COG5: variants seen among roughly 807,000 people sequenced by gnomAD.
COG5 encodes conserved oligomeric Golgi complex subunit 5.
COG5 carries 86 observed loss-of-function variants against 110.4 expected under a neutral mutation model. The ratio of observed to expected loss-of-function variants is 0.78; its 90% CI spans 0.65 to 0.93. The LOEUF is 0.93. COG5 is among the 40% of genes least tolerant of loss of function. The probability of loss-of-function intolerance (pLI) is 0.00; values close to 1 mark genes in which losing one functional copy is unlikely to be tolerated. For missense variants in COG5, 1,077 were observed against 987.0 expected, an observed-to-expected ratio of 1.09 and a Z score of -1.22; for synonymous variants, 360 against 334.6, an observed-to-expected ratio of 1.08 and a Z score of -0.83.
At chr7:107,435,575 C>T (rs559517374) in intron 6 of COG5, among the ~76,000 whole-genome samples, 1 of 152,184 alleles carries the variant, frequency 6.6e-6, no homozygotes, top group Admixed American at 6.5e-5. Flanking sequence ...ATTGCTTGAA[C>T]CCAGGAGGCA....
chr7:107,320,940 C>G (rs1423073087), intron 11 of COG5, among the ~76,000 whole-genome samples: 1 of 152,204 alleles, frequency 6.6e-6, no homozygotes, highest in Non-Finnish European at 1.5e-5. Context: ...AGGACTTCTT[C>G]TACACCCCCA....
At chr7:107,242,113 C>T (rs1325099117) in intron 17 of COG5, among the ~76,000 whole-genome samples, 1 of 152,106 alleles carries the variant, frequency 6.6e-6, no homozygotes, top group African/African-American at 2.4e-5. Flanking sequence ...CCCACATTTC[C>T]CATGTGGGAG....
chr7:107,480,157 G>A (rs1362444345), intron 6 of COG5, among the ~76,000 whole-genome samples: 1 of 152,046 alleles, frequency 6.6e-6, no homozygotes, highest in African/African-American at 2.4e-5. Context: ...TCAAAATCAT[G>A]TTAGAAAATT....
chr7:107,319,442 A>C (rs953610003), intron 11 of COG5, among the ~76,000 whole-genome samples: 2 of 152,200 alleles, frequency 1.3e-5, no homozygotes, highest in Non-Finnish European at 2.9e-5. Context: ...AATCAGTAAG[A>C]ATGGCAGACT....
chr7:107,437,074 G>C (rs1584821745), intron 6 of COG5, among the ~76,000 whole-genome samples: 2 of 152,108 alleles, frequency 1.3e-5, no homozygotes, highest in South Asian at 4.1e-4. Flanking sequence ...TGCAAACCTA[G>C]ACAAGGAATT....
intron 6 of COG5, among the ~76,000 whole-genome samples, chr7:107,496,705 A>G (rs943569996): frequency 5.3e-5 from 8 of 151,748 alleles, no homozygotes; most frequent in Non-Finnish European, 1.2e-4. Context: ...AATATAATAT[A>G]CCACATTAAT....
At chr7:107,296,874 T>G (rs1370794929) in intron 12 of COG5, among the ~76,000 whole-genome samples, 3 of 152,316 alleles carry the variant, frequency 2.0e-5, no homozygotes, top group East Asian at 3.9e-4. Context: ...AGATAGGTGA[T>G]AAGAAACTGC....
chr7:107,412,423 C>T, intron 7 of COG5, 79 bp downstream of exon 7: 3 of 1,398,830 alleles, frequency 2.1e-6, no homozygotes, highest in South Asian at 1.2e-5. Context: ...ACATATATTA[C>T]TTTTTTGAAC....
At chr7:107,341,873 AC>A (rs1167814967) in intron 10 of COG5, among the ~76,000 whole-genome samples, 1 of 152,244 alleles carries the variant, frequency 6.6e-6, no homozygotes, top group Admixed American at 6.5e-5. Flanking sequence ...TATATGCAAA[AC>A]TTAACTAAGG....
chr7:107,345,345 T>C (rs1005116158), intron 10 of COG5, among the ~76,000 whole-genome samples: 6 of 152,106 alleles, frequency 3.9e-5, no homozygotes, highest in Non-Finnish European at 2.9e-5. Context: ...TGTTGGAAAA[T>C]GGCACCAATA....
chr7:107,349,289 T>C (rs1811916087), intron 10 of COG5, among the ~76,000 whole-genome samples: 3 of 152,214 alleles, frequency 2.0e-5, no homozygotes, highest in Non-Finnish European at 4.4e-5. Flanking sequence ...TGGAATCCTT[T>C]TATTTTTCTT....
At chr7:107,489,217 A>C (rs1166834018) in intron 6 of COG5, among the ~76,000 whole-genome samples, 1 of 152,228 alleles carries the variant, frequency 6.6e-6, no homozygotes, top group Non-Finnish European at 1.5e-5. Context: ...AAATACATTT[A>C]AGTAAACAGA....
At chr7:107,561,923 C>G (rs1445092803) in intron 1 of COG5, among the ~76,000 whole-genome samples, 1 of 152,042 alleles carries the variant, frequency 6.6e-6, no homozygotes, top group Admixed American at 6.5e-5. Flanking sequence ...TTGCAGTGAG[C>G]CGAGACTGCG....
Position 107,298,364 on chromosome 7 carries a change from A to T in COG5, c.1109-18T>A. ...CATCGAAGCTGCCAAGCAAAACAAGAACATGAATTAGAAAAATAATAAAAT... is the reference window on the plus strand; with the variant it reads ...CATCGAAGCTGCCAAGCAAAACAAGTACATGAATTAGAAAAATAATAAAAT... On this transcript the variant is annotated intron_variant, in intron 11 of 21. Coordinates refer to ENST00000297135, the MANE Select transcript of COG5 (RefSeq NM_006348.5). The T allele has an allele frequency of 5.7e-6, 9 of 1,588,726 alleles. No homozygotes were observed. The highest frequency in any genetic ancestry group is 3.4e-4 in the Middle Eastern group (2 of 5,806).
intron 11 of COG5, among the ~76,000 whole-genome samples, chr7:107,313,436 C>A (rs1476336259): frequency 6.6e-6 from 1 of 152,138 alleles, no homozygotes; most frequent in African/African-American, 2.4e-5. Context: ...AAATGAGTAC[C>A]ACCATGTTGG....
intron 6 of COG5, among the ~76,000 whole-genome samples, chr7:107,502,877 T>G (rs960948042): frequency 2.0e-5 from 3 of 152,174 alleles, no homozygotes; most frequent in Non-Finnish European, 2.9e-5. Flanking sequence ...TTTTTCTTGC[T>G]GATTTGAGTT....
intron 5 of COG5, among the ~76,000 whole-genome samples, chr7:107,536,110 T>C (rs1456522803): frequency 1.3e-5 from 2 of 152,208 alleles, no homozygotes; most frequent in African/African-American, 4.8e-5. Flanking sequence ...CAGCCCTTCA[T>C]GCTAAAAACA....
chr7:107,390,598 T>C (rs1790551245), intron 7 of COG5, among the ~76,000 whole-genome samples: 1 of 151,670 alleles, frequency 6.6e-6, no homozygotes, highest in Non-Finnish European at 1.5e-5. Flanking sequence ...AACTAAAATT[T>C]TAGAATCTGT....
chr7:107,490,533 A>C (rs1380267459), intron 6 of COG5, among the ~76,000 whole-genome samples: 2 of 152,164 alleles, frequency 1.3e-5, no homozygotes, highest in Non-Finnish European at 2.9e-5. Flanking sequence ...GTATGCTCCA[A>C]GTGATCCAAG....
Sources: gnomAD v4.1 joint callset for allele counts (sites outside exome capture counted in the v4.1 genomes callset) on GRCh38, gnomAD v4.1.1 for gene constraint, MANE v1.5 for transcripts, NCBI Gene and HGNC (gene_info 2026-07-23, HGNC 2026-07-21) for gene names.